AUTS2: variants seen among roughly 807,000 people sequenced by gnomAD.
AUTS2 encodes autism susceptibility gene 2 protein.
AUTS2 carries 17 observed loss-of-function variants against 112.4 expected under a neutral mutation model. That is an observed-to-expected ratio of 0.15 (90% CI 0.10 to 0.23). The LOEUF is 0.23. Among genes scored for constraint, AUTS2 ranks in the 10% least tolerant of loss-of-function variants. The probability of loss-of-function intolerance (pLI) is 1.00; values close to 1 mark genes in which losing one functional copy is unlikely to be tolerated. For synonymous variants in AUTS2, 751 were observed against 702.7 expected (o/e 1.07, Z -1.09); for missense variants, 1,510 against 1,701.6 (o/e 0.89, Z 1.98).
At chr7:70,721,279 CGT>C (rs55885084) in intron 6 of AUTS2, among the ~76,000 whole-genome samples, 2,216 of 140,104 alleles carry the variant, frequency 0.016, 18 homozygotes, top group South Asian at 0.018. Flanking sequence ...GAATTTCATT[CGT>C]GTGTGTGTGT....
intron 4 of AUTS2, among the ~76,000 whole-genome samples, chr7:70,259,119 A>G (rs956747871): frequency 2.6e-5 from 4 of 152,132 alleles, no homozygotes; most frequent in African/African-American, 9.7e-5. Flanking sequence ...CCAGATATGC[A>G]TATCTTTGAG....
At chr7:70,730,086 G>C (rs1210103737) in intron 6 of AUTS2, among the ~76,000 whole-genome samples, 1 of 152,134 alleles carries the variant, frequency 6.6e-6, no homozygotes, top group Non-Finnish European at 1.5e-5. Context: ...GTTTCACTCT[G>C]TTGGCTAGGC....
chr7:70,405,453 T>A (rs1794490524), intron 4 of AUTS2, among the ~76,000 whole-genome samples: 1 of 152,226 alleles, frequency 6.6e-6, no homozygotes, highest in South Asian at 2.1e-4. Flanking sequence ...AGCTTTTACA[T>A]TCCATCAGAA....
At chr7:70,179,334 G>C (rs1584840347) in intron 4 of AUTS2, among the ~76,000 whole-genome samples, 1 of 152,098 alleles carries the variant, frequency 6.6e-6, no homozygotes, top group African/African-American at 2.4e-5. Context: ...ATGAGTTTTG[G>C]TCACCCCTAC....
intron 1 of AUTS2, among the ~76,000 whole-genome samples, chr7:69,605,490 C>G (rs896439786): frequency 6.6e-6 from 1 of 152,182 alleles, no homozygotes; most frequent in Non-Finnish European, 1.5e-5. Flanking sequence ...TCTGATGCCA[C>G]CAAGCTGCCC....
rs10651355 is a variant in AUTS2 at position 70,528,093 on chromosome 7, A to ATTTT, written c.690+92335_690+92338dup. Among the ~76,000 whole-genome samples, 44 of 97,278 alleles carry ATTTT rather than the reference A, an allele frequency of 4.5e-4. 1 individual carries two copies. Among genetic ancestry groups the ATTTT allele is most frequent in the African/African-American group, 1.7e-3 (37 of 22,132 alleles). 63.8% of individuals were successfully genotyped at this position (97,278 alleles called of 152,430 possible). A position where few individuals can be genotyped will look rare whatever the true frequency, so the allele number is the denominator to read the frequency against. ...ACTTGAAGTTCACTTAAATTTAAGG[A>ATTTT]TTTTTTTTTTTTTTTTTTTTTTTTT... On this transcript the variant is annotated intron_variant, in intron 5 of 18. Coordinates refer to ENST00000342771, the MANE Select transcript of AUTS2 (RefSeq NM_015570.4).
intron 4 of AUTS2, among the ~76,000 whole-genome samples, chr7:70,302,671 T>C (rs943715324): frequency 6.6e-6 from 1 of 152,060 alleles, no homozygotes; most frequent in East Asian, 1.9e-4. Context: ...CTTGCATTAG[T>C]GTGTTGGTTA....
In AUTS2 at chr7:70,319,905, T is replaced by C. The variant is rs78720547; in HGVS notation, c.661-115847T>C. 2.6e-3 allele frequency among the ~76,000 whole-genome samples: 402 copies of C among 152,308 alleles called. 1 individual carries two copies. Among genetic ancestry groups the C allele is most frequent in the African/African-American group, 9.1e-3 (379 of 41,564 alleles). On this transcript the variant is annotated intron_variant, in intron 4 of 18. Transcript: ENST00000342771. ...CCAGACAAAAGAATACGTAAATGAA[T>C]GAATGAATGAGTGAATGAACAAAAC...
intron 2 of AUTS2, among the ~76,000 whole-genome samples, chr7:69,988,296 G>A (rs773020795): frequency 1.3e-5 from 2 of 152,134 alleles, no homozygotes; most frequent in Non-Finnish European, 2.9e-5. Context: ...TTTTTAAGGG[G>A]GACTTTGAGT....
At chr7:69,641,878 G>A (rs1190547241) in intron 1 of AUTS2, among the ~76,000 whole-genome samples, 1 of 152,202 alleles carries the variant, frequency 6.6e-6, no homozygotes, top group Non-Finnish European at 1.5e-5. Context: ...TGAAGCCCAA[G>A]GTCAGGATAT....
At chr7:70,707,293 G>C (rs891995545) in intron 6 of AUTS2, among the ~76,000 whole-genome samples, 1 of 152,174 alleles carries the variant, frequency 6.6e-6, no homozygotes, top group Non-Finnish European at 1.5e-5. Context: ...TTTTTGCTAG[G>C]TATTGTTCAC....
intron 1 of AUTS2, among the ~76,000 whole-genome samples, chr7:69,759,470 G>A (rs1298281900): frequency 6.6e-6 from 1 of 151,844 alleles, no homozygotes; most frequent in East Asian, 1.9e-4. Flanking sequence ...TTTCACTTGT[G>A]GTATCATAAA....
At position 70,101,069 on chromosome 7, in the gene AUTS2, G is replaced by C. The variant is rs571387582; in HGVS notation, c.523-17063G>C. Among the ~76,000 whole-genome samples, 109 of 152,078 alleles carry C rather than the reference G, an allele frequency of 7.2e-4. 2 individuals are homozygous for C. The highest frequency in any genetic ancestry group is 2.4e-3 in the African/African-American group (98 of 41,510). ...ATTTTTGTATTTTTAGTAGAGACGG[G>C]GTTTCACCATGTTGGCCAGGCTGGT... On this transcript the variant is annotated intron_variant, in intron 2 of 18. Transcript: ENST00000342771.
intron 4 of AUTS2, among the ~76,000 whole-genome samples, chr7:70,314,800 C>T (rs1391633798): frequency 6.6e-6 from 1 of 152,172 alleles, no homozygotes; most frequent in African/African-American, 2.4e-5. Flanking sequence ...TTCCCAAGGT[C>T]AAAGCCATGT....
chr7:70,451,711 C>A (rs760219701), intron 5 of AUTS2, among the ~76,000 whole-genome samples: 1 of 152,148 alleles, frequency 6.6e-6, no homozygotes, highest in Non-Finnish European at 1.5e-5. Flanking sequence ...GAAACAAAGT[C>A]GTAATGCTTT....
chr7:70,100,993 T>C (rs1804458315), intron 2 of AUTS2, among the ~76,000 whole-genome samples: 3 of 152,148 alleles, frequency 2.0e-5, no homozygotes, highest in Non-Finnish European at 4.4e-5. Flanking sequence ...TTCTCCTGCC[T>C]CTGCCTCCCG....
chr7:69,913,877 C>A (rs1056349152), intron 2 of AUTS2, among the ~76,000 whole-genome samples: 1 of 152,140 alleles, frequency 6.6e-6, no homozygotes, highest in African/African-American at 2.4e-5. Flanking sequence ...ATGCCAAGTT[C>A]CTTCGTACCC....
At chr7:70,014,867 T>C (rs949801708) in intron 2 of AUTS2, among the ~76,000 whole-genome samples, 2 of 152,256 alleles carry the variant, frequency 1.3e-5, no homozygotes, top group Non-Finnish European at 2.9e-5. Flanking sequence ...GGCTTATACA[T>C]ACAAGTGGCT....
At chr7:70,342,096 A>G (rs1229935479) in intron 4 of AUTS2, among the ~76,000 whole-genome samples, 2 of 152,056 alleles carry the variant, frequency 1.3e-5, no homozygotes, top group African/African-American at 2.4e-5. Flanking sequence ...TTCCCCCATC[A>G]GTTTTTGCTA....
Sources: allele counts gnomAD v4.1 joint callset (sites outside exome capture counted in the v4.1 genomes callset), GRCh38; gene constraint gnomAD v4.1.1; transcripts MANE v1.5; gene names NCBI Gene and HGNC (gene_info 2026-07-23, HGNC 2026-07-21).